The following EPM2A variants were observed in gnomAD, a reference collection of about 807,000 sequenced individuals.
EPM2A encodes laforin.
EPM2A carries 21 observed loss-of-function variants against 26.5 expected under a neutral mutation model. The observed-to-expected ratio is 0.79, with a 90% CI of 0.56 to 1.14. EPM2A has a LOEUF of 1.14. Ranked by LOEUF, EPM2A falls within the 50% of genes most tolerant of loss-of-function variation. The pLI, the probability that EPM2A is intolerant of heterozygous loss-of-function variation, is 0.00. For synonymous variants in EPM2A, 217 were observed against 177.6 expected (o/e 1.22, Z -1.76); for missense variants, 458 against 440.8 (o/e 1.04, Z -0.35).
At chr6:145,513,228 A>C (rs1001693766) in intron 2 of EPM2A, among the ~76,000 whole-genome samples, 1 of 152,210 alleles carries the variant, frequency 6.6e-6, no homozygotes, top group Non-Finnish European at 1.5e-5. Flanking sequence ...AAACAACTTC[A>C]TTAAAAACTT....
rs1582803958 is a variant in EPM2A, at chr6:145,502,447, A to G, written c.394+75T>C. On this transcript the variant is annotated intron_variant, in intron 3 of 3. Transcript: ENST00000450221. ...CTGAATGACTGCACAGCCCCCAAAT[A>G]TATGACTTTCCTGAAGAAGAGATGA... The G allele has an allele frequency of 1.3e-5, 6 of 459,564 alleles. No homozygotes were observed. The East Asian group carries it at 4.2e-4, about 32-fold the overall frequency. The allele number at this position is 459,564 out of a possible 1,614,324, so 28.5% of individuals were successfully genotyped here.
chr6:145,395,423 T>C (rs1302891976), intron 4 of EPM2A, among the ~76,000 whole-genome samples: 1 of 152,156 alleles, frequency 6.6e-6, no homozygotes, highest in Non-Finnish European at 1.5e-5. Context: ...AATCAGCCCA[T>C]TAAGATTAGA....
At chr6:145,608,862 A>T (rs376640073) in intron 2 of EPM2A, among the ~76,000 whole-genome samples, 3 of 152,234 alleles carry the variant, frequency 2.0e-5, no homozygotes, top group Non-Finnish European at 4.4e-5. Flanking sequence ...AGTAACCCAA[A>T]TATTGAACTG....
At chr6:145,605,779 T>C (rs1214516700) in intron 2 of EPM2A, among the ~76,000 whole-genome samples, 1 of 152,060 alleles carries the variant, frequency 6.6e-6, no homozygotes, top group Non-Finnish European at 1.5e-5. Flanking sequence ...AAATCAAAAA[T>C]AAAAATAATT....
At chr6:145,642,260 T>G (rs562953571) in intron 2 of EPM2A, among the ~76,000 whole-genome samples, 1 of 152,328 alleles carries the variant, frequency 6.6e-6, no homozygotes, top group East Asian at 1.9e-4. Flanking sequence ...CTGAGCATTC[T>G]TTGAAAAGTT....
At chr6:145,565,670 A>G (rs1780875520) in intron 2 of EPM2A, among the ~76,000 whole-genome samples, 1 of 152,152 alleles carries the variant, frequency 6.6e-6, no homozygotes, top group Non-Finnish European at 1.5e-5. Context: ...GGATGAGAGC[A>G]CTGCTTTTTT....
intron 2 of EPM2A, among the ~76,000 whole-genome samples, chr6:145,609,100 T>C (rs1257969356): frequency 6.6e-6 from 1 of 152,164 alleles, no homozygotes; most frequent in African/African-American, 2.4e-5. Flanking sequence ...GGTATTTTAG[T>C]CAGAAGAGTA....
intron 4 of EPM2A, chr6:145,490,668 T>C (rs1037413167): frequency 1.6e-6 from 1 of 616,984 alleles, no homozygotes; most frequent in African/African-American, 1.8e-5. Flanking sequence ...CAGTAGAGTG[T>C]GATTTCATGC....
chr6:145,529,752 T>C (rs1332338002), intron 2 of EPM2A, among the ~76,000 whole-genome samples: 1 of 152,304 alleles, frequency 6.6e-6, no homozygotes, highest in South Asian at 2.1e-4. Context: ...TGGTAAACAC[T>C]GCACAGCATT....
intron 4 of EPM2A, among the ~76,000 whole-genome samples, chr6:145,438,765 C>G (rs768019154): frequency 6.6e-6 from 1 of 152,182 alleles, no homozygotes; most frequent in Non-Finnish European, 1.5e-5. Flanking sequence ...AGCCATTGCA[C>G]TCGGCCAAGG....
chr6:145,690,178 G>C (rs1308486979), intron 1 of EPM2A, among the ~76,000 whole-genome samples: 2 of 152,132 alleles, frequency 1.3e-5, no homozygotes, highest in African/African-American at 4.8e-5. Flanking sequence ...TGCTGGAGTG[G>C]TGTCAGAAGA....
intron 4 of EPM2A, among the ~76,000 whole-genome samples, chr6:145,403,606 T>G (rs1778526454): frequency 6.6e-6 from 1 of 152,176 alleles, no homozygotes; most frequent in Non-Finnish European, 1.5e-5. Flanking sequence ...CTCATTCTTT[T>G]TATGACTGAA....
intron 2 of EPM2A, among the ~76,000 whole-genome samples, chr6:145,617,996 A>G (rs901235521): frequency 6.6e-6 from 1 of 152,220 alleles, no homozygotes; most frequent in Admixed American, 6.5e-5. Context: ...AGATCTGAAC[A>G]CAGAATCCAA....
chr6:145,576,879 AT>A (rs1432184428), intron 2 of EPM2A, among the ~76,000 whole-genome samples: 1 of 152,058 alleles, frequency 6.6e-6, no homozygotes, highest in Non-Finnish European at 1.5e-5. Flanking sequence ...AAATGTAAAA[AT>A]TGAGTTAAAG....
chr6:145,483,840 T>C (rs1455665106), intron 4 of EPM2A, among the ~76,000 whole-genome samples: 1 of 152,192 alleles, frequency 6.6e-6, no homozygotes, highest in Non-Finnish European at 1.5e-5. Flanking sequence ...GTTGCCAAGG[T>C]ATCTCACACA....
intron 1 of EPM2A, chr6:145,705,755 T>G (rs1782187583): frequency 7.2e-6 from 3 of 414,926 alleles, no homozygotes; most frequent in Admixed American, 2.7e-5. Context: ...CACACAGCAC[T>G]TCCTCTCATA....
At chr6:145,431,805 C>A (rs6570681) in intron 4 of EPM2A, among the ~76,000 whole-genome samples, 7,919 of 152,202 alleles carry the variant, frequency 0.052, 683 homozygotes, top group African/African-American at 0.18. Flanking sequence ...CTCTGGAGCA[C>A]GCCCTGTTTT....
intron 2 of EPM2A, among the ~76,000 whole-genome samples, chr6:145,652,294 A>T (rs894952557): frequency 1.3e-5 from 2 of 152,074 alleles, no homozygotes; most frequent in Non-Finnish European, 2.9e-5. Context: ...ACTTCAAAAA[A>T]TTTTTGCTTT....
At chr6:145,657,415 T>C (rs1006186135) in intron 2 of EPM2A, among the ~76,000 whole-genome samples, 4 of 152,218 alleles carry the variant, frequency 2.6e-5, no homozygotes, top group African/African-American at 9.6e-5. Context: ...TTGAAAAATT[T>C]AATCCTTCTG....
Sources: gnomAD v4.1 joint callset for allele counts (sites outside exome capture counted in the v4.1 genomes callset) on GRCh38, gnomAD v4.1.1 for gene constraint, MANE v1.5 for transcripts, NCBI Gene and HGNC (gene_info 2026-07-23, HGNC 2026-07-21) for gene names.